F13A1: variants seen among roughly 807,000 people sequenced by gnomAD.
The protein encoded by F13A1 is FSF, A subunit.
A neutral mutation model predicts 80.1 loss-of-function variants in F13A1; 47 were observed. That is an observed-to-expected ratio of 0.59 (90% CI 0.46 to 0.75). The LOEUF (loss-of-function observed/expected upper bound fraction) is 0.75, where lower values mean the gene tolerates loss of function less well. F13A1 is among the 30% of genes least tolerant of loss of function. The pLI, the probability that F13A1 is intolerant of heterozygous loss-of-function variation, is 0.00. For missense variants in F13A1, 817 were observed against 930.4 expected, an observed-to-expected ratio of 0.88 and a Z score of 1.59; for synonymous variants, 349 against 344.9, an observed-to-expected ratio of 1.01 and a Z score of -0.13.
intron 10 of F13A1, among the ~76,000 whole-genome samples, chr6:6,185,013 G>C (rs1761053075): frequency 6.6e-6 from 1 of 152,088 alleles, no homozygotes; most frequent in African/African-American, 2.4e-5. Flanking sequence ...TGGAATGATT[G>C]GCCCCACCCA....
At position 6,248,326 on chromosome 6, in the gene F13A1, C is replaced by T; in HGVS notation, c.784G>A (p.Val262Met). 8.1e-6 allele frequency: 13 copies of T among 1,613,826 alleles called. No homozygotes were observed. Among genetic ancestry groups the T allele is most frequent in the Non-Finnish European group, 1.1e-5 (13 of 1,179,804 alleles). The part of the protein sequence containing the change: ...GRGNPIKVSR[V>M]GSAMVNAKDD... ...TTGCTGCTTACCATTGCAGACCCCACACGGCTGACTTTGATGGGATTCCCT... is the reference window on the plus strand; with the variant it reads ...TTGCTGCTTACCATTGCAGACCCCATACGGCTGACTTTGATGGGATTCCCT... Residue 262 changes from valine (V) to methionine (M), a missense_variant, in exon 6 of 15, where the codon GTG becomes ATG. Val to Met is a conservative substitution (Grantham distance 21). Coordinates refer to ENST00000264870, the MANE Select transcript of F13A1 (RefSeq NM_000129.4).
intron 4 of F13A1, among the ~76,000 whole-genome samples, chr6:6,259,559 A>G (rs374463161): frequency 2.9e-4 from 44 of 152,328 alleles, no homozygotes; most frequent in African/African-American, 1.0e-3. Context: ...AGAAATCCAC[A>G]CACACATCAC....
At chr6:6,316,086 T>C (rs1395768247) in intron 2 of F13A1, among the ~76,000 whole-genome samples, 134 of 7,674 alleles carry the variant, frequency 0.017, 4 homozygotes, top group African/African-American at 0.069. Flanking sequence ...TGCATATATA[T>C]ATATATATAT....
intron 11 of F13A1, among the ~76,000 whole-genome samples, chr6:6,177,815 A>C (rs989451983): frequency 6.6e-6 from 1 of 152,144 alleles, no homozygotes; most frequent in Non-Finnish European, 1.5e-5. Context: ...CCTGCAGTGC[A>C]TGGGGAAAGG....
intron 4 of F13A1, among the ~76,000 whole-genome samples, chr6:6,263,402 G>C (rs1348398083): frequency 2.0e-5 from 3 of 152,164 alleles, no homozygotes; most frequent in Non-Finnish European, 4.4e-5. Context: ...GTTGACTGCT[G>C]TCTTGAATCT....
chr6:6,296,537 GCTCT>G (rs1301542136), intron 3 of F13A1, among the ~76,000 whole-genome samples: 112 of 151,014 alleles, frequency 7.4e-4, no homozygotes, highest in Admixed American at 2.4e-3. Flanking sequence ...TCATGATTTG[GCTCT>G]CTGTTTGTCT....
At chr6:6,159,932 TGAAA>T (rs956799282) in intron 13 of F13A1, among the ~76,000 whole-genome samples, 1 of 152,102 alleles carries the variant, frequency 6.6e-6, no homozygotes, top group African/African-American at 2.4e-5. Context: ...GGGCCAGTGC[TGAAA>T]GAAAGTGGCG....
chr6:6,297,634 CTCT>C (rs1410872925), intron 3 of F13A1, among the ~76,000 whole-genome samples: 1 of 149,432 alleles, frequency 6.7e-6, no homozygotes, highest in African/African-American at 2.6e-5. Context: ...TGATTCTTCT[CTCT>C]TTTTTTCTTT....
At chr6:6,273,912 A>G (rs1358183892) in intron 3 of F13A1, among the ~76,000 whole-genome samples, 34 of 152,228 alleles carry the variant, frequency 2.2e-4, no homozygotes, top group Admixed American at 2.2e-3. Context: ...ACCAAAAAAG[A>G]AACAATCAAA....
At chr6:6,209,379 CTT>C (rs1300058262) in intron 8 of F13A1, among the ~76,000 whole-genome samples, 4 of 148,106 alleles carry the variant, frequency 2.7e-5, no homozygotes, top group Middle Eastern at 3.6e-3. Flanking sequence ...GAAGTTGGAA[CTT>C]TTGTGTATTG....
intron 3 of F13A1, among the ~76,000 whole-genome samples, chr6:6,286,278 G>A (rs1758138869): frequency 6.6e-6 from 1 of 152,122 alleles, no homozygotes; most frequent in Non-Finnish European, 1.5e-5. Context: ...CCCAGCTACT[G>A]GAGAGGCTGA....
At chr6:6,171,744 A>G (rs1420161843) in intron 12 of F13A1, among the ~76,000 whole-genome samples, 1 of 152,250 alleles carries the variant, frequency 6.6e-6, no homozygotes, top group Non-Finnish European at 1.5e-5. Flanking sequence ...ATAAAGGCCT[A>G]CAATTCTTTA....
intron 3 of F13A1, among the ~76,000 whole-genome samples, chr6:6,267,425 C>T (rs1757860261): frequency 6.6e-6 from 1 of 152,226 alleles, no homozygotes. Context: ...CATAAACCCA[C>T]CTGCATAAGC....
At chr6:6,168,848 G>C (rs1583052772) in intron 12 of F13A1, among the ~76,000 whole-genome samples, 1 of 152,192 alleles carries the variant, frequency 6.6e-6, no homozygotes, top group East Asian at 1.9e-4. Context: ...AGGTGTGGGT[G>C]CATTGAGCCA....
chr6:6,303,882 A>G (rs1016687282), intron 3 of F13A1, among the ~76,000 whole-genome samples: 4 of 152,242 alleles, frequency 2.6e-5, no homozygotes, highest in East Asian at 3.9e-4. Flanking sequence ...GGGGAAGATA[A>G]AAGTTATTGA....
chr6:6,302,941 T>C lies in F13A1; in HGVS notation c.319+2410A>G, dbSNP rs531233584. On this transcript the variant is annotated intron_variant, in intron 3 of 14. Transcript: ENST00000264870. The stretch of plus-strand genomic sequence containing the variant: ...CAAAAAATTGTCTTTTTTACATTAA[T>C]ACTCATTCCATCTGAGATTTACTAC... 1.9e-3 allele frequency among the ~76,000 whole-genome samples: 296 copies of C among 152,360 alleles called. 2 individuals are homozygous for C. Among genetic ancestry groups the C allele is most frequent in the African/African-American group, 6.7e-3 (279 of 41,592 alleles).
chr6:6,297,606 T>A (rs1481736056), intron 3 of F13A1, among the ~76,000 whole-genome samples: 1 of 149,690 alleles, frequency 6.7e-6, no homozygotes, highest in South Asian at 2.1e-4. Flanking sequence ...CCCTTTATCA[T>A]TTTTTATTGT....
chr6:6,296,855 C>T (rs1366324437), intron 3 of F13A1, among the ~76,000 whole-genome samples: 2 of 148,764 alleles, frequency 1.3e-5, no homozygotes, highest in East Asian at 3.9e-4. Context: ...CCAGTTTTGG[C>T]CCATTCAGTA....
intron 2 of F13A1, among the ~76,000 whole-genome samples, chr6:6,310,218 C>A (rs535434702): frequency 1.3e-5 from 2 of 152,170 alleles, no homozygotes; most frequent in Non-Finnish European, 2.9e-5. Flanking sequence ...CAAAGCTGAT[C>A]AGGATTCTTT....
Sources: gnomAD v4.1 joint callset for allele counts (sites outside exome capture counted in the v4.1 genomes callset) on GRCh38, gnomAD v4.1.1 for gene constraint, MANE v1.5 for transcripts, NCBI Gene and HGNC (gene_info 2026-07-23, HGNC 2026-07-21) for gene names.